The following ANKRD36C variants were observed in gnomAD, a reference collection of about 807,000 sequenced individuals.
The protein encoded by ANKRD36C is ankyrin repeat domain-containing protein 36C.
In ANKRD36C, 61 loss-of-function variants were observed where a neutral mutation model predicts 276.4. The ratio of observed to expected loss-of-function variants is 0.22; its 90% CI spans 0.18 to 0.27. The LOEUF is 0.27. ANKRD36C is among the 10% of genes least tolerant of loss of function. The pLI is 1.00. For synonymous variants in ANKRD36C, 483 were observed against 680.1 expected, an observed-to-expected ratio of 0.71 and a Z score of 4.51; for missense variants, 1,447 against 2,032.3, an observed-to-expected ratio of 0.71 and a Z score of 5.54.
At chr2:95,919,854 T>G in intron 34 of ANKRD36C, 38 bp downstream of exon 35, 1 of 1,537,140 alleles carries the variant, frequency 6.5e-7, no homozygotes. Context: ...CAATGAAGTA[T>G]GTGTCATAGA....
chr2:95,921,647 A>G (rs1383048866), exon 34 of ANKRD36C: 3 of 1,609,244 alleles, frequency 1.9e-6, no homozygotes, highest in Non-Finnish European at 2.5e-6. Flanking sequence ...CTGTGGCTAT[A>G]TTCGAAACAG....
intron 34 of ANKRD36C, 78 bp downstream of exon 36, chr2:95,919,655 C>A (rs1364927311): frequency 1.6e-6 from 1 of 613,626 alleles, no homozygotes; most frequent in Non-Finnish European, 2.0e-6. Flanking sequence ...CCCACCCACC[C>A]TCCGCTGATT....
chr2:95,858,617 C>A (rs1010494754), intron 61 of ANKRD36C, among the ~76,000 whole-genome samples: 1 of 152,166 alleles, frequency 6.6e-6, no homozygotes, highest in Non-Finnish European at 1.5e-5. Context: ...CAAGTTGATA[C>A]ATTCACTAGA....
intron 34 of ANKRD36C, 119 bp from the exon 37 acceptor site, chr2:95,918,161 G>A (rs1416450159): frequency 6.9e-7 from 1 of 1,455,202 alleles, no homozygotes; most frequent in African/African-American, 1.4e-5. Flanking sequence ...AGGCTCTGAT[G>A]TCTTCTACTT....
intron 38 of ANKRD36C, among the ~76,000 whole-genome samples, chr2:95,915,515 C>A (rs1433484120): frequency 6.6e-6 from 1 of 151,484 alleles, no homozygotes; most frequent in Non-Finnish European, 1.5e-5. Flanking sequence ...CACCTTCCTG[C>A]CTCACAATCC....
At chr2:95,941,828 G>A (rs1362356814) in intron 19 of ANKRD36C, among the ~76,000 whole-genome samples, 1 of 152,420 alleles carries the variant, frequency 6.6e-6, no homozygotes, top group East Asian at 1.9e-4. Context: ...GGAGAAGAGA[G>A]AAACAAAAAC....
intron 38 of ANKRD36C, among the ~76,000 whole-genome samples, chr2:95,915,629 T>C (rs981852460): frequency 6.6e-6 from 1 of 151,506 alleles, no homozygotes; most frequent in African/African-American, 2.4e-5. Flanking sequence ...TTTAGCCCTA[T>C]GATGTGACGT....
chr2:95,849,579 T>G (rs2950716), downstream of ANKRD36C, among the ~76,000 whole-genome samples: 363 of 152,290 alleles, frequency 2.4e-3, 1 homozygote, highest in Non-Finnish European at 3.7e-3. Context: ...TTCCTATTAT[T>G]ACTACATTGT....
intron 27 of ANKRD36C, 34 bp from the exon 28 acceptor site, chr2:95,927,320 T>C: frequency 6.2e-7 from 1 of 1,608,454 alleles, no homozygotes; most frequent in Non-Finnish European, 8.5e-7. Flanking sequence ...AATCAATACG[T>C]AAAGTAGGTT....
At position 95,868,898 on chromosome 2, in the gene ANKRD36C, G is replaced by GT. The variant is rs796243015; in HGVS notation, c.3541-1318dup. Reference sequence around the variant, plus strand: ...AACTTATTTGTGATGAATTTTAAAGGTTTTTTTTACCCTAGTTTGTCTTGT... The same window carrying GT: ...AACTTATTTGTGATGAATTTTAAAGGTTTTTTTTTACCCTAGTTTGTCTTGT... On this transcript the variant is annotated intron_variant, in intron 59 of 66. Transcript: ENST00000456556. Among the ~76,000 whole-genome samples the GT allele has an allele frequency of 1.1e-3, 162 of 152,352 alleles. No individual in the cohort carries two copies. In the South Asian group the frequency reaches 0.015, roughly 14 times the overall value.
At chr2:95,915,170 T>G (rs1677055439) in intron 38 of ANKRD36C, among the ~76,000 whole-genome samples, 1 of 151,588 alleles carries the variant, frequency 6.6e-6, no homozygotes, top group Non-Finnish European at 1.5e-5. Context: ...GTTAGGAGTA[T>G]CATGTTATTT....
intron 24 of ANKRD36C, among the ~76,000 whole-genome samples, 197 bp from the exon 25 acceptor site, chr2:95,929,464 A>G (rs1331617187): frequency 6.6e-6 from 1 of 151,464 alleles, no homozygotes; most frequent in Non-Finnish European, 1.5e-5. Context: ...ACAGGCTTCA[A>G]GAAATATACA....
intron 6 of ANKRD36C, among the ~76,000 whole-genome samples, chr2:95,974,658 C>CT (rs1314178709): frequency 8.1e-5 from 12 of 148,626 alleles, no homozygotes; most frequent in African/African-American, 2.2e-4. Context: ...TAGGCTACTT[C>CT]TTTTTTTTTT....
At chr2:95,954,466 A>AT (rs1678281315) in intron 13 of ANKRD36C, among the ~76,000 whole-genome samples, 1 of 152,166 alleles carries the variant, frequency 6.6e-6, no homozygotes, top group East Asian at 1.9e-4. Context: ...TTCAAAGACT[A>AT]ATCTGTGTCA....
chr2:95,880,510 T>G lies in ANKRD36C; in HGVS notation c.3397-11A>C. 1 of 1,548,064 alleles carries G rather than the reference T, an allele frequency of 6.5e-7. No individual in the cohort carries two copies. Among genetic ancestry groups the G allele is most frequent in the Non-Finnish European group, 8.7e-7 (1 of 1,145,590 alleles). On this transcript the variant is annotated splice_polypyrimidine_tract_variant and intron_variant, in intron 57 of 66. Transcript: ENST00000456556. ...ATTTTCAATTGTAGCCTGAATGGGT[T>G]TTAAAACAAAGTGATTAGCACATGA...
At chr2:95,950,013 G>A (rs1439369105) in intron 16 of ANKRD36C, among the ~76,000 whole-genome samples, 1 of 152,152 alleles carries the variant, frequency 6.6e-6, no homozygotes, top group Non-Finnish European at 1.5e-5. Flanking sequence ...ATAAGAAAAA[G>A]CTTCAGCAAA....
In ANKRD36C at chr2:95,986,941, G is replaced by A. The variant is rs769433772; in HGVS notation, c.313-17C>T. 8.1e-6 allele frequency: 13 copies of A among 1,612,950 alleles called. No homozygotes were observed. The highest frequency in any genetic ancestry group is 3.5e-4 in the Middle Eastern group (2 of 5,750). On this transcript the variant is annotated splice_polypyrimidine_tract_variant and intron_variant, in intron 2 of 66. Transcript: ENST00000456556. ...TTGTACAGCCTGTCAGTATTAGACC[G>A]AGAAACATGCAAATATTGAAAAATC...
At chr2:95,918,231 CA>C (rs1677162274) in intron 34 of ANKRD36C, among the ~76,000 whole-genome samples, 189 bp from the exon 37 acceptor site, 1 of 151,600 alleles carries the variant, frequency 6.6e-6, no homozygotes, top group African/African-American at 2.4e-5. Context: ...CAGGCTCCAT[CA>C]AATATATCCT....
intron 24 of ANKRD36C, among the ~76,000 whole-genome samples, chr2:95,931,201 A>C (rs1677558598): frequency 6.6e-6 from 1 of 151,702 alleles, no homozygotes; most frequent in African/African-American, 2.4e-5. Context: ...TAAAATGTTA[A>C]ATATGTCAGA....
Sources: allele counts gnomAD v4.1 joint callset (sites outside exome capture counted in the v4.1 genomes callset), GRCh38; gene constraint gnomAD v4.1.1; transcripts MANE v1.5; gene names NCBI Gene and HGNC (gene_info 2026-07-23, HGNC 2026-07-21).